The following CDKL5 variants were observed in gnomAD, a reference collection of about 807,000 sequenced individuals.
CDKL5 encodes the protein cyclin-dependent kinase-like 5.
Under a neutral mutation model 61.7 loss-of-function variants are expected in CDKL5, and 8 were observed. The observed-to-expected ratio is 0.13, with a 90% CI of 0.08 to 0.23. The LOEUF (loss-of-function observed/expected upper bound fraction) is 0.23. CDKL5 is among the 10% of genes least tolerant of loss of function. The pLI, the probability that CDKL5 is intolerant of heterozygous loss-of-function variation, is 1.00. For synonymous variants in CDKL5, 275 were observed against 272.3 expected (o/e 1.01, Z -0.10); for missense variants, 440 against 734.5 (o/e 0.60, Z 4.63).
chrX:18,455,792 C>T (rs1248222661), intron 1 of CDKL5, among the ~76,000 whole-genome samples: 2 of 112,609 alleles, frequency 1.8e-5, no homozygotes, highest in African/African-American at 6.4e-5. Flanking sequence ...TTTAAGATTT[C>T]TGTAAAGCCT....
At chrX:18,575,732 G>C (rs1432999410) in intron 5 of CDKL5, among the ~76,000 whole-genome samples, 2 of 112,274 alleles carry the variant, frequency 1.8e-5, no homozygotes, top group African/African-American at 6.5e-5. Flanking sequence ...TTTGGCTTCT[G>C]AAGTCTTAAA....
chrX:18,430,032 G>A (rs1242762043), intron 1 of CDKL5, among the ~76,000 whole-genome samples: 2 of 111,860 alleles, frequency 1.8e-5, no homozygotes, highest in Non-Finnish European at 3.8e-5. Flanking sequence ...ACATTGGCAA[G>A]GCTGCTGGAC....
chrX:18,427,608 A>G (rs1369999776), intron 1 of CDKL5, among the ~76,000 whole-genome samples: 1 of 111,575 alleles, frequency 9.0e-6, no homozygotes, highest in Admixed American at 9.7e-5. Context: ...AACATAGTCA[A>G]TGCAGCGATT....
chrX:18,480,219 C>A (rs1483688554), intron 1 of CDKL5, among the ~76,000 whole-genome samples: 1 of 111,177 alleles, frequency 9.0e-6, no homozygotes, highest in African/African-American at 3.3e-5. Context: ...CTCAGACTTT[C>A]TGTGTTTTTG....
At chrX:18,492,598 G>C (rs751397300) in intron 1 of CDKL5, among the ~76,000 whole-genome samples, 3 of 110,972 alleles carry the variant, frequency 2.7e-5, no homozygotes, top group African/African-American at 6.6e-5. Flanking sequence ...CCAAAACCAA[G>C]AAGTTATCCT....
chrX:18,653,369 G>C (rs1448270475), intron 21 of CDKL5: 1 of 1,189,827 alleles, frequency 8.4e-7, no homozygotes, highest in Non-Finnish European at 1.1e-6. Flanking sequence ...GCATTAGCCA[G>C]AGTGCACCTG....
chrX:18,525,480 G>C (rs1169552618), intron 3 of CDKL5, among the ~76,000 whole-genome samples: 1 of 111,131 alleles, frequency 9.0e-6, no homozygotes, highest in East Asian at 2.8e-4. Flanking sequence ...GCTTTATTCT[G>C]TTCCATTGAT....
downstream of CDKL5, chrX:18,644,331 G>A (rs1164190514): frequency 3.3e-5 from 24 of 728,995 alleles, no homozygotes; most frequent in South Asian, 1.5e-4. Context: ...GTGCTGTGGA[G>A]TCGGTGCTCT....
At chrX:18,470,226 C>G (rs1404547548) in intron 1 of CDKL5, among the ~76,000 whole-genome samples, 2 of 108,353 alleles carry the variant, frequency 1.8e-5, no homozygotes, top group Non-Finnish European at 3.8e-5. Context: ...ATCCCAGCTA[C>G]TTGGGAGGCT....
At chrX:18,567,126 C>T (rs764053579) in intron 4 of CDKL5, among the ~76,000 whole-genome samples, 1 of 111,972 alleles carries the variant, frequency 8.9e-6, no homozygotes, top group African/African-American at 3.2e-5. Flanking sequence ...TTACCCTTTT[C>T]CTCTGGCTGG....
intron 21 of CDKL5, among the ~76,000 whole-genome samples, chrX:18,652,931 G>A (rs1332998271): frequency 1.8e-5 from 2 of 112,563 alleles, no homozygotes; most frequent in East Asian, 2.8e-4. Context: ...TACTTTAGTG[G>A]CTACTTTCTG....
rs1431710550 is a variant in CDKL5, at chrX:18,636,601, C to G, written c.*7844C>G. On this transcript the variant is annotated 3_prime_UTR_variant, in exon 18 of 18. Coordinates refer to ENST00000623535, the MANE Select transcript of CDKL5 (RefSeq NM_001323289.2). The stretch of plus-strand genomic sequence containing the variant: ...TGTGGTCACAATCAGTATTGTTTCT[C>G]TTTAGTAATTCAGATTTATTCAAGT... 9.1e-6 allele frequency: 1 copy of G among 110,495 alleles called. No homozygotes were observed. Among genetic ancestry groups the G allele is most frequent in the African/African-American group, 3.3e-5 (1 of 30,405 alleles). The allele number at this position is 110,495 out of a possible 1,213,427, so 9.1% of individuals were successfully genotyped here. A position where few individuals can be genotyped will look rare whatever the true frequency, so the allele number is the denominator to read the frequency against.
intron 1 of CDKL5, among the ~76,000 whole-genome samples, chrX:18,454,065 TTATG>T (rs1369233087): frequency 9.0e-6 from 1 of 111,525 alleles, no homozygotes; most frequent in Non-Finnish European, 1.9e-5. Context: ...GAGGTAGCCT[TTATG>T]TAGAGACTTG....
intron 3 of CDKL5, among the ~76,000 whole-genome samples, chrX:18,554,609 T>C (rs1924532102): frequency 9.2e-6 from 1 of 109,002 alleles, no homozygotes; most frequent in South Asian, 4.0e-4. Context: ...AGAGATGAGG[T>C]TTTGCCATGT....
rs1256177961 is a variant in CDKL5, at chrX:18,430,547, G to A, written c.-163+4852G>A. 4.5e-5 allele frequency among the ~76,000 whole-genome samples: 5 copies of A among 111,481 alleles called. No homozygotes were observed. In the East Asian group the frequency reaches 1.4e-3, roughly 32 times the overall value. On this transcript the variant is annotated intron_variant, in intron 1 of 17. Transcript: ENST00000623535. ...CAACCTCCGTCTCCTGGGTTCAAAC[G>A]ATTCTCCTGCCTCAACCTCCCAAGT...
At chrX:18,527,063 G>A (rs1469662013) in intron 3 of CDKL5, among the ~76,000 whole-genome samples, 3 of 112,116 alleles carry the variant, frequency 2.7e-5, no homozygotes, top group Non-Finnish European at 5.6e-5. Flanking sequence ...GATTACAGGC[G>A]TGAGCCACCG....
chrX:18,437,967 G>A (rs1224609845), intron 1 of CDKL5, among the ~76,000 whole-genome samples: 10 of 112,151 alleles, frequency 8.9e-5, no homozygotes, highest in East Asian at 2.8e-4. Flanking sequence ...CCACATATAC[G>A]AAGAATAACT....
intron 8 of CDKL5, among the ~76,000 whole-genome samples, chrX:18,585,576 A>G (rs976121062): frequency 8.9e-6 from 1 of 111,821 alleles, no homozygotes; most frequent in African/African-American, 3.3e-5. Context: ...ATGCTCTTTC[A>G]TTCATCTGTT....
At chrX:18,574,043 A>G (rs1481585908) in intron 4 of CDKL5, among the ~76,000 whole-genome samples, 4 of 111,148 alleles carry the variant, frequency 3.6e-5, no homozygotes, top group South Asian at 7.6e-4. Flanking sequence ...TCTAGAGGGC[A>G]TATCAAGTAG....
Sources: allele counts gnomAD v4.1 joint callset (sites outside exome capture counted in the v4.1 genomes callset), GRCh38; gene constraint gnomAD v4.1.1; transcripts MANE v1.5; gene names NCBI Gene and HGNC (gene_info 2026-07-23, HGNC 2026-07-21).